The following WRN variants were observed in gnomAD, a reference collection of about 807,000 sequenced individuals.
The protein encoded by WRN is bifunctional 3'-5' exonuclease/ATP-dependent helicase WRN.
A neutral mutation model predicts 180.7 loss-of-function variants in WRN; 149 were observed. The observed-to-expected ratio is 0.82, with a 90% CI of 0.72 to 0.94. The LOEUF is 0.94. Among genes scored for constraint, WRN ranks in the 40% least tolerant of loss-of-function variants. The probability of loss-of-function intolerance (pLI) is 0.00; values close to 1 mark genes in which losing one functional copy is unlikely to be tolerated. For synonymous variants in WRN, 548 were observed against 568.9 expected (o/e 0.96, Z 0.52); for missense variants, 1,661 against 1,700.1 (o/e 0.98, Z 0.40).
At chr8:31,042,474 A>G (rs1211822370) in intron 1 of WRN, among the ~76,000 whole-genome samples, 3 of 152,248 alleles carry the variant, frequency 2.0e-5, no homozygotes, top group African/African-American at 7.2e-5. Flanking sequence ...GTTGAGTTAC[A>G]TGTGGTTATA....
chr8:31,131,081 G>A (rs2737332), intron 23 of WRN, among the ~76,000 whole-genome samples: 148,396 of 151,622 alleles, frequency 0.98, 72,710 homozygotes, highest in East Asian at 1. Context: ...TTTATGTGCA[G>A]TAAAAGAGTA....
intron 1 of WRN, among the ~76,000 whole-genome samples, chr8:31,045,587 A>T (rs1269569307): frequency 1.3e-5 from 2 of 152,050 alleles, no homozygotes; most frequent in Non-Finnish European, 2.9e-5. Context: ...TTTTTAGTAG[A>T]GATGGGGTTT....
chr8:31,085,047 A>G (rs1414285502), intron 10 of WRN, 119 bp from the exon 11 acceptor site: 3 of 716,562 alleles, frequency 4.2e-6, no homozygotes, highest in Non-Finnish European at 7.0e-6. Flanking sequence ...TATATTATAT[A>G]TCCATTAGGG....
intron 24 of WRN, among the ~76,000 whole-genome samples, chr8:31,134,592 G>T (rs1057420936): frequency 6.6e-6 from 1 of 152,124 alleles, no homozygotes; most frequent in Admixed American, 6.5e-5. Context: ...GATATGCAAT[G>T]ACCTTAATTT....
intron 6 of WRN, among the ~76,000 whole-genome samples, 183 bp downstream of exon 6, chr8:31,067,365 A>G (rs534207791): frequency 1.3e-5 from 2 of 152,348 alleles, no homozygotes; most frequent in South Asian, 4.1e-4. Context: ...TTAATTAGCA[A>G]GTACCAATCA....
intron 1 of WRN, among the ~76,000 whole-genome samples, chr8:31,050,839 G>A (rs1430035967): frequency 6.6e-6 from 1 of 152,012 alleles, no homozygotes; most frequent in Non-Finnish European, 1.5e-5. Context: ...AAATTTCAGA[G>A]TAATTATAAA....
intron 21 of WRN, among the ~76,000 whole-genome samples, chr8:31,122,703 A>C (rs1801767296): frequency 6.6e-6 from 1 of 151,878 alleles, no homozygotes; most frequent in South Asian, 2.1e-4. Flanking sequence ...GTAGTCCCAA[A>C]AGAAAAATAA....
intron 1 of WRN, among the ~76,000 whole-genome samples, chr8:31,040,591 C>T (rs533997404): frequency 6.6e-6 from 1 of 152,166 alleles, no homozygotes; most frequent in Non-Finnish European, 1.5e-5. Flanking sequence ...AATTGTGTCA[C>T]TTACTGCCGG....
At chr8:31,097,869 C>A (rs1044744774) in intron 17 of WRN, among the ~76,000 whole-genome samples, 3 of 152,126 alleles carry the variant, frequency 2.0e-5, no homozygotes, top group African/African-American at 7.2e-5. Flanking sequence ...TATTTCCCAC[C>A]TTCAGTTGGC....
intron 15 of WRN, 130 bp downstream of exon 15, chr8:31,091,072 T>G: frequency 1.3e-6 from 1 of 756,394 alleles, no homozygotes; most frequent in East Asian, 2.6e-5. Flanking sequence ...TTATCTTTAT[T>G]GGTAATAAAT....
At chr8:31,044,640 C>A (rs1811791534) in intron 1 of WRN, among the ~76,000 whole-genome samples, 1 of 152,182 alleles carries the variant, frequency 6.6e-6, no homozygotes, top group Non-Finnish European at 1.5e-5. Flanking sequence ...TAGGCGTGAG[C>A]CACTGTGCCC....
intron 3 of WRN, among the ~76,000 whole-genome samples, chr8:31,059,782 C>A (rs562559208): frequency 6.6e-6 from 1 of 152,218 alleles, no homozygotes; most frequent in East Asian, 1.9e-4. Flanking sequence ...AGAGGCCAGG[C>A]GCGGTGGCTC....
intron 26 of WRN, 86 bp downstream of exon 26, chr8:31,141,861 C>A (rs1802652823): frequency 7.7e-7 from 1 of 1,298,040 alleles, no homozygotes. Context: ...ATAGGCCTCT[C>A]ACAAGTAAAA....
chr8:31,143,041 A>ACG (rs1285679470), intron 27 of WRN, among the ~76,000 whole-genome samples: 1 of 82,852 alleles, frequency 1.2e-5, no homozygotes, highest in Non-Finnish European at 2.4e-5. Context: ...ACACACACAC[A>ACG]CACACACACA....
intron 7 of WRN, among the ~76,000 whole-genome samples, chr8:31,070,351 T>C (rs925836386): frequency 7.9e-5 from 12 of 151,976 alleles, no homozygotes; most frequent in Admixed American, 7.9e-4. Context: ...TATTAGACTG[T>C]TTTTTTCTTC....
At chr8:31,083,829 T>G (rs1431709681) in intron 10 of WRN, 50 bp downstream of exon 10, 1 of 1,317,186 alleles carries the variant, frequency 7.6e-7, no homozygotes, top group Non-Finnish European at 1.1e-6. Flanking sequence ...CCAAAGGACA[T>G]TTAATTAAGT....
chr8:31,087,311 G>A (rs1012902756), intron 11 of WRN, among the ~76,000 whole-genome samples: 3 of 152,144 alleles, frequency 2.0e-5, no homozygotes, highest in East Asian at 1.9e-4. Flanking sequence ...TGAATCTTTT[G>A]TTGTTTTGAC....
intron 11 of WRN, among the ~76,000 whole-genome samples, chr8:31,085,758 G>A (rs754824179): frequency 3.3e-5 from 5 of 151,922 alleles, no homozygotes; most frequent in Non-Finnish European, 5.9e-5. Context: ...GGTGTGAGCC[G>A]CCGCATCCAG....
Position 31,140,003 on chromosome 8 carries a change from G to GTTTTTTTTTT in WRN, c.2968-1406_2968-1397dup, listed in dbSNP as rs71539917. 1.3e-3 allele frequency among the ~76,000 whole-genome samples: 81 copies of GTTTTTTTTTT among 62,106 alleles called. 11 individuals are homozygous for GTTTTTTTTTT. The highest frequency in any genetic ancestry group is 1.8e-3 in the East Asian group (3 of 1,692). 40.7% of individuals were successfully genotyped at this position (62,106 alleles called of 152,430 possible). ...AAGCTCTATGTTTGTATACTTCTTT[G>GTTTTTTTTTT]TTTTTTTTTTTTTTTTTTTTTTTTT... On this transcript the variant is annotated intron_variant, in intron 24 of 34. Coordinates refer to ENST00000298139, the MANE Select transcript of WRN (RefSeq NM_000553.6).
Sources: gnomAD v4.1 joint callset for allele counts (sites outside exome capture counted in the v4.1 genomes callset) on GRCh38, gnomAD v4.1.1 for gene constraint, MANE v1.5 for transcripts, NCBI Gene and HGNC (gene_info 2026-07-23, HGNC 2026-07-21) for gene names.